TBC1D4: variants seen among roughly 807,000 people sequenced by gnomAD.
TBC1D4 encodes TBC1 domain family member 4.
A neutral mutation model predicts 142.5 loss-of-function variants in TBC1D4; 121 were observed. The ratio of observed to expected loss-of-function variants is 0.85; its 90% CI spans 0.73 to 0.99. The LOEUF (loss-of-function observed/expected upper bound fraction) is 0.99, where lower values mean the gene tolerates loss of function less well. TBC1D4 is among the 50% of genes least tolerant of loss of function. TBC1D4 has a pLI of 0.00. For synonymous variants in TBC1D4, 630 were observed against 628.2 expected (o/e 1.00, Z -0.04); for missense variants, 1,475 against 1,606.6 (o/e 0.92, Z 1.40).
intron 1 of TBC1D4, among the ~76,000 whole-genome samples, chr13:75,458,107 G>A (rs988373675): frequency 5.3e-5 from 8 of 152,200 alleles, no homozygotes; most frequent in South Asian, 2.1e-4. Flanking sequence ...CTTGGTACCC[G>A]GGTCCTTGTC....
In TBC1D4 at chr13:75,481,996, G is replaced by T; in HGVS notation, c.-229C>A. 2.1e-6 allele frequency: 1 copy of T among 485,732 alleles called. No individual in the cohort carries two copies. The highest frequency in any genetic ancestry group is 3.3e-6 in the Non-Finnish European group (1 of 305,548). The allele number at this position is 485,732 out of a possible 1,614,324, so 30.1% of individuals were successfully genotyped here. ...CGGGCACCGAGGCAAGCGCCCGGCAGGCGAGGGCGGGTTAAATGGGCATCC... is the reference window on the plus strand; with the variant it reads ...CGGGCACCGAGGCAAGCGCCCGGCATGCGAGGGCGGGTTAAATGGGCATCC... On this transcript the variant is annotated 5_prime_UTR_variant, in exon 1 of 21. The change creates a new upstream start codon in the 5' untranslated region. Coordinates refer to ENST00000377636, the MANE Select transcript of TBC1D4 (RefSeq NM_014832.5).
In TBC1D4 at chr13:75,294,913, GGGGCA is replaced by G. The variant is rs775155615; in HGVS notation, c.3252_3256del (p.Ala1085LeufsTer20). The G allele has an allele frequency of 1.2e-6, 2 of 1,613,968 alleles. No individual in the cohort carries two copies. The highest frequency in any genetic ancestry group is 3.3e-5 in the Admixed American group (2 of 60,002). On this transcript the variant is annotated frameshift_variant, in exon 18 of 21. Coordinates refer to ENST00000377636, the MANE Select transcript of TBC1D4 (RefSeq NM_014832.5). LOFTEE classifies it high-confidence loss of function. ...AGAGGCAAACAATGTGAGGAACCAG[GGGGCA>G]GCATAAAGACTGGGGCTGATTTCAT...
At chr13:75,317,588 T>A (rs1470755284) in intron 12 of TBC1D4, among the ~76,000 whole-genome samples, 1 of 152,232 alleles carries the variant, frequency 6.6e-6, no homozygotes, top group Admixed American at 6.5e-5. Context: ...CATTCCCTTA[T>A]GTTTCCATAG....
intron 8 of TBC1D4, among the ~76,000 whole-genome samples, chr13:75,336,543 A>G (rs538725630): frequency 1.3e-5 from 2 of 152,316 alleles, no homozygotes; most frequent in South Asian, 4.1e-4. Context: ...ACCTGTCTCT[A>G]CTAAAAATAC....
At chr13:75,380,688 C>T (rs528152824) in intron 1 of TBC1D4, among the ~76,000 whole-genome samples, 76 of 152,244 alleles carry the variant, frequency 5.0e-4, no homozygotes, top group Non-Finnish European at 6.5e-4. Flanking sequence ...AGAATATTCA[C>T]ACCTTCTTAT....
intron 1 of TBC1D4, among the ~76,000 whole-genome samples, chr13:75,473,668 C>A (rs997375624): frequency 6.6e-6 from 1 of 152,174 alleles, no homozygotes; most frequent in African/African-American, 2.4e-5. Flanking sequence ...CTTTCCAACC[C>A]CAACATCTTG....
chr13:75,355,385 G>GA (rs1164667669), intron 4 of TBC1D4, among the ~76,000 whole-genome samples: 4 of 151,980 alleles, frequency 2.6e-5, no homozygotes, highest in African/African-American at 4.8e-5. Flanking sequence ...ACTTTGAGGG[G>GA]AAAAAAATCA....
intron 13 of TBC1D4, 26 bp downstream of exon 13, chr13:75,312,712 A>C: frequency 6.2e-7 from 1 of 1,614,110 alleles, no homozygotes; most frequent in Non-Finnish European, 8.5e-7. Context: ...CAGAGGGATA[A>C]ATTCCTTAGG....
At chr13:75,449,532 A>AACACACACACAC (rs34025489) in intron 1 of TBC1D4, among the ~76,000 whole-genome samples, 3 of 149,282 alleles carry the variant, frequency 2.0e-5, no homozygotes, top group East Asian at 3.9e-4. Flanking sequence ...GTGAAACTGC[A>AACACACACACAC]ACACACACAC....
chr13:75,394,622 T>C (rs1271708435), intron 1 of TBC1D4, among the ~76,000 whole-genome samples: 1 of 152,180 alleles, frequency 6.6e-6, no homozygotes, highest in Non-Finnish European at 1.5e-5. Flanking sequence ...CAAACATAAA[T>C]ATATTTTATA....
chr13:75,408,820 G>A (rs1401850724), intron 1 of TBC1D4, among the ~76,000 whole-genome samples: 7 of 152,066 alleles, frequency 4.6e-5, no homozygotes, highest in African/African-American at 1.7e-4. Flanking sequence ...CTCTAATGAC[G>A]AATGATGTTG....
chr13:75,379,841 T>TAAAAG (rs1160918988), intron 1 of TBC1D4, among the ~76,000 whole-genome samples: 1 of 145,816 alleles, frequency 6.9e-6, no homozygotes, highest in Non-Finnish European at 1.5e-5. Context: ...TTAAGATAGC[T>TAAAAG]AAAAGAAAGC....
chr13:75,374,643 G>A (rs1883404252), intron 1 of TBC1D4, among the ~76,000 whole-genome samples: 1 of 152,142 alleles, frequency 6.6e-6, no homozygotes, highest in African/African-American at 2.4e-5. Context: ...TGTATAATGT[G>A]ATAATGGGGC....
intron 7 of TBC1D4, among the ~76,000 whole-genome samples, chr13:75,340,508 AG>A (rs1380601559): frequency 2.0e-5 from 3 of 152,258 alleles, no homozygotes; most frequent in Admixed American, 6.5e-5. Context: ...ATAAAATAAT[AG>A]ATTAATATAA....
intron 1 of TBC1D4, chr13:75,375,780 C>CACACAA: frequency 7.6e-6 from 1 of 132,032 alleles, no homozygotes; most frequent in African/African-American, 2.9e-5. Context: ...CCCCCACACA[C>CACACAA]ACACATAATG....
intron 11 of TBC1D4, among the ~76,000 whole-genome samples, chr13:75,322,722 T>A (rs1878877082): frequency 1.3e-5 from 2 of 152,076 alleles, no homozygotes; most frequent in Non-Finnish European, 2.9e-5. Context: ...TGCAAATAGG[T>A]TGGTTGAAAG....
At chr13:75,305,634 G>A (rs1877104605) in intron 15 of TBC1D4, among the ~76,000 whole-genome samples, 1 of 152,128 alleles carries the variant, frequency 6.6e-6, no homozygotes, top group East Asian at 1.9e-4. Context: ...AATCATTATA[G>A]AATTTCTTTG....
chr13:75,361,616 G>C (rs1052855244), intron 2 of TBC1D4, among the ~76,000 whole-genome samples: 1 of 152,144 alleles, frequency 6.6e-6, no homozygotes, highest in Non-Finnish European at 1.5e-5. Flanking sequence ...CTGACCTCAA[G>C]TAATCCGCGT....
chr13:75,353,066 C>T (rs546154762), intron 4 of TBC1D4, among the ~76,000 whole-genome samples: 25 of 152,240 alleles, frequency 1.6e-4, no homozygotes, highest in Admixed American at 4.6e-4. Context: ...TAGGCCTGTT[C>T]TTAAGAATAA....
Sources: allele counts gnomAD v4.1 joint callset (sites outside exome capture counted in the v4.1 genomes callset), GRCh38; gene constraint gnomAD v4.1.1; transcripts MANE v1.5; gene names NCBI Gene and HGNC (gene_info 2026-07-23, HGNC 2026-07-21).